The following DNAJC3 variants were observed in gnomAD, a reference collection of about 807,000 sequenced individuals.
DNAJC3 encodes DnaJ heat shock protein family (Hsp40) member C3.
A neutral mutation model predicts 68.6 loss-of-function variants in DNAJC3; 38 were observed. The ratio of observed to expected loss-of-function variants is 0.55; its 90% confidence interval spans 0.43 to 0.73. The LOEUF (loss-of-function observed/expected upper bound fraction) is 0.73. Ranked by LOEUF, DNAJC3 falls within the 30% of genes least tolerant of loss-of-function variation. The pLI, the probability that DNAJC3 is intolerant of heterozygous loss-of-function variation, is 0.00. For synonymous variants in DNAJC3, 203 were observed against 204.0 expected (o/e 1.00, Z 0.04); for missense variants, 526 against 591.9 (o/e 0.89, Z 1.16).
At chr13:95,777,285 C>T (rs530563535) in intron 9 of DNAJC3, among the ~76,000 whole-genome samples, 3 of 152,038 alleles carry the variant, frequency 2.0e-5, no homozygotes, top group Non-Finnish European at 4.4e-5. Flanking sequence ...TTGGCCTGGC[C>T]GTCCAAAGAG....
chr13:95,767,023 A>G (rs1249271938), intron 9 of DNAJC3, among the ~76,000 whole-genome samples: 1 of 152,112 alleles, frequency 6.6e-6, no homozygotes, highest in Non-Finnish European at 1.5e-5. Context: ...TTTATTTTTA[A>G]TTGTGGTAAA....
intron 7 of DNAJC3, among the ~76,000 whole-genome samples, chr13:95,761,370 G>T (rs1882814841): frequency 1.3e-5 from 2 of 152,134 alleles, no homozygotes; most frequent in South Asian, 4.1e-4. Context: ...TTTGTAGGGG[G>T]TTTATAGGCT....
intron 1 of DNAJC3, among the ~76,000 whole-genome samples, chr13:95,687,023 G>A (rs1246860073): frequency 6.6e-6 from 1 of 152,086 alleles, no homozygotes; most frequent in African/African-American, 2.4e-5. Context: ...ATGTTTTTGT[G>A]TTTATTTATG....
rs1882797876 is a variant in DNAJC3 at position 95,760,760 on chromosome 13, G to A, written c.810G>A (p.Lys270=). The A allele has an allele frequency of 1.2e-6, 2 of 1,612,548 alleles. No individual in the cohort carries two copies. The highest frequency in any genetic ancestry group is 1.7e-6 in the Non-Finnish European group (2 of 1,179,284). The change falls in exon 7 of 12, where the codon AAG becomes AAA. Residue 270 remains lysine, a synonymous_variant. Coordinates refer to ENST00000602402, the MANE Select transcript of DNAJC3 (RefSeq NM_006260.5). ...AHYKQVKKLN[K]LIESAEELIR... is the part of the protein sequence containing the mutation. ...ATAAACAAGTAAAGAAACTTAATAA[G>A]CTGATTGAGTCAGCTGAAGAGCTCA...
intron 1 of DNAJC3, among the ~76,000 whole-genome samples, chr13:95,697,740 T>C (rs1393869402): frequency 6.6e-6 from 1 of 151,066 alleles, no homozygotes; most frequent in African/African-American, 2.4e-5. Context: ...AAACAAATTC[T>C]TTTTTTTTGT....
At chr13:95,734,556 T>TA (rs1445442329) in intron 4 of DNAJC3, among the ~76,000 whole-genome samples, 3 of 152,204 alleles carry the variant, frequency 2.0e-5, no homozygotes, top group Non-Finnish European at 4.4e-5. Flanking sequence ...TATCGACGTC[T>TA]AAATCTTTTG....
intron 9 of DNAJC3, among the ~76,000 whole-genome samples, chr13:95,768,739 C>T (rs1251058800): frequency 6.6e-6 from 1 of 151,932 alleles, no homozygotes. Flanking sequence ...CTTTGGGAGG[C>T]CGAGGTGGGT....
intron 4 of DNAJC3, chr13:95,742,532 G>A: frequency 2.3e-6 from 1 of 427,716 alleles, no homozygotes; most frequent in Admixed American, 2.8e-5. Context: ...AATGTGGACT[G>A]CTGGGGGTCA....
chr13:95,765,813 C>T (rs1360394664), intron 9 of DNAJC3, among the ~76,000 whole-genome samples: 3 of 152,046 alleles, frequency 2.0e-5, no homozygotes, highest in African/African-American at 7.2e-5. Flanking sequence ...CTCAGGTGAT[C>T]TGCCTGCCTT....
chr13:95,703,237 G>T (rs568242786), intron 1 of DNAJC3, among the ~76,000 whole-genome samples: 72 of 152,140 alleles, frequency 4.7e-4, no homozygotes, highest in Non-Finnish European at 8.5e-4. Flanking sequence ...TATTAACATT[G>T]AACTTACAGC....
At chr13:95,695,863 A>G (rs191612936) in intron 1 of DNAJC3, among the ~76,000 whole-genome samples, 17 of 152,350 alleles carry the variant, frequency 1.1e-4, no homozygotes, top group African/African-American at 3.8e-4. Flanking sequence ...CTGAAGTTGT[A>G]ATTAAACTAT....
intron 1 of DNAJC3, among the ~76,000 whole-genome samples, chr13:95,688,811 C>T (rs2139601851): frequency 6.6e-6 from 1 of 152,124 alleles, no homozygotes; most frequent in Admixed American, 6.5e-5. Context: ...CTTTCTGTAT[C>T]TATTAAGATG....
At chr13:95,681,080 A>G (rs1879897395) in intron 1 of DNAJC3, among the ~76,000 whole-genome samples, 1 of 152,334 alleles carries the variant, frequency 6.6e-6, no homozygotes, top group East Asian at 1.9e-4. Flanking sequence ...TTGAGTTTAC[A>G]GACCACTTAG....
At chr13:95,709,375 T>C (rs947924135) in intron 2 of DNAJC3, 38 bp downstream of exon 2, 3 of 1,367,892 alleles carry the variant, frequency 2.2e-6, no homozygotes, top group Admixed American at 2.2e-5. Context: ...GTGTCTGTCT[T>C]AGTGAATTCT....
chr13:95,726,638 G>C (rs1881533967), intron 4 of DNAJC3, among the ~76,000 whole-genome samples: 1 of 152,068 alleles, frequency 6.6e-6, no homozygotes, highest in South Asian at 2.1e-4. Flanking sequence ...TCATTGAAGG[G>C]GGTATATACT....
rs762629538 is a variant in DNAJC3, at chr13:95,723,317, C to T, written c.269C>T (p.Ala90Val). 1.2e-6 allele frequency: 2 copies of T among 1,611,062 alleles called. No homozygotes were observed. Among genetic ancestry groups the T allele is most frequent in the African/African-American group, 2.7e-5 (2 of 75,016 alleles). ...TTAGCTATGGGCAAATCAAAAGCTG[C>T]ACTTCCTGATTTAACTAAAGTGATT... ...VFLAMGKSKA[A>V]LPDLTKVIQL... Residue 90 changes from alanine (A) to valine (V), a missense_variant, in exon 3 of 12, where the codon GCA becomes GTA. Physicochemically the swap from Ala to Val is moderately conservative, Grantham distance 64. Coordinates refer to ENST00000602402, the MANE Select transcript of DNAJC3 (RefSeq NM_006260.5).
intron 5 of DNAJC3, among the ~76,000 whole-genome samples, chr13:95,758,395 G>A (rs143608259): frequency 1.3e-5 from 2 of 152,032 alleles, no homozygotes; most frequent in Non-Finnish European, 2.9e-5. Context: ...CAGCACTTTG[G>A]GAGGTCGAGG....
chr13:95,780,577 A>G (rs1883421554), intron 9 of DNAJC3, among the ~76,000 whole-genome samples: 1 of 152,160 alleles, frequency 6.6e-6, no homozygotes, highest in Non-Finnish European at 1.5e-5. Context: ...GCCCTTGTAC[A>G]GTTTCTTTGT....
chr13:95,756,503 T>TA (rs17882611), intron 4 of DNAJC3, among the ~76,000 whole-genome samples: 3,497 of 152,298 alleles, frequency 0.023, 56 homozygotes, highest in Non-Finnish European at 0.033. Flanking sequence ...TGGACAAGTA[T>TA]AAAACCCTTA....
Sources: gnomAD v4.1 joint callset for allele counts (sites outside exome capture counted in the v4.1 genomes callset) on GRCh38, gnomAD v4.1.1 for gene constraint, MANE v1.5 for transcripts, NCBI Gene and HGNC (gene_info 2026-07-23, HGNC 2026-07-21) for gene names.